JPH3: variants seen among roughly 807,000 people sequenced by gnomAD.
JPH3 encodes the protein junctophilin 3.
JPH3 carries 11 observed loss-of-function variants against 59.6 expected under a neutral mutation model. That is an observed-to-expected ratio of 0.18 (90% CI 0.12 to 0.31). The LOEUF (loss-of-function observed/expected upper bound fraction) is 0.31. JPH3 is among the 10% of genes least tolerant of loss of function. The pLI, the probability that JPH3 is intolerant of heterozygous loss-of-function variation, is 1.00. For missense variants in JPH3, 1,202 were observed against 1,105.7 expected, an observed-to-expected ratio of 1.09 and a Z score of -1.24; for synonymous variants, 673 against 483.6, an observed-to-expected ratio of 1.39 and a Z score of -5.14.
At chr16:87,692,051 C>A (rs1380731762) in intron 4 of JPH3, among the ~76,000 whole-genome samples, 1 of 152,172 alleles carries the variant, frequency 6.6e-6, no homozygotes, top group Non-Finnish European at 1.5e-5. Flanking sequence ...GTGCTACATG[C>A]TGCCCTGGTC....
At chr16:87,616,359 G>A (rs1416619514) in intron 1 of JPH3, among the ~76,000 whole-genome samples, 3 of 150,848 alleles carry the variant, frequency 2.0e-5, no homozygotes, top group Non-Finnish European at 3.0e-5. Context: ...TCAGCCTCCC[G>A]AGTAGCTGGG....
At chr16:87,610,040 G>A (rs1399028078) in intron 1 of JPH3, among the ~76,000 whole-genome samples, 1 of 152,146 alleles carries the variant, frequency 6.6e-6, no homozygotes, top group Non-Finnish European at 1.5e-5. Context: ...ACAGATCATC[G>A]GACATTAGAT....
chr16:87,607,118 T>TA (rs2030550244), intron 1 of JPH3, among the ~76,000 whole-genome samples: 1 of 152,208 alleles, frequency 6.6e-6, no homozygotes, highest in Non-Finnish European at 1.5e-5. Flanking sequence ...CTCTTGTGCG[T>TA]ACAGTGGCCC....
intron 2 of JPH3, among the ~76,000 whole-genome samples, chr16:87,663,369 A>G (rs1219402657): frequency 6.6e-6 from 1 of 152,196 alleles, no homozygotes; most frequent in Non-Finnish European, 1.5e-5. Flanking sequence ...TGGCCTCCCA[A>G]ACTACTGGGA....
intron 2 of JPH3, among the ~76,000 whole-genome samples, chr16:87,658,767 C>G (rs994331050): frequency 1.2e-4 from 19 of 152,244 alleles, no homozygotes; most frequent in Non-Finnish European, 8.8e-5. Flanking sequence ...CTCCTCCAGC[C>G]ACCCCTCACC....
Position 87,616,168 on chromosome 16 carries a change from A to T in JPH3, c.382+12640A>T, listed in dbSNP as rs151223284. ...GGGAACGACATTGTCTGATTTAAGC[A>T]GAACAGCAACGCAATCTGGTTTTGT... On this transcript the variant is annotated intron_variant, in intron 1 of 4. Transcript: ENST00000284262. Among the ~76,000 whole-genome samples the T allele has an allele frequency of 2.7e-5, 4 of 150,040 alleles. No individual in the cohort carries two copies. In the East Asian group the frequency reaches 8.0e-4, roughly 30 times the overall value.
chr16:87,668,432 GGTGA>G (rs2032931095), intron 2 of JPH3, among the ~76,000 whole-genome samples: 2 of 152,236 alleles, frequency 1.3e-5, no homozygotes, highest in African/African-American at 2.4e-5. Context: ...CGGGAACTTG[GGTGA>G]GTCAGTTCCC....
chr16:87,696,250 G>A (rs1244153630), intron 4 of JPH3: 16 of 454,854 alleles, frequency 3.5e-5, no homozygotes, highest in Non-Finnish European at 4.9e-5. Flanking sequence ...GCACCGAGAC[G>A]TTTGCTTGCA....
intron 1 of JPH3, among the ~76,000 whole-genome samples, chr16:87,614,482 G>A (rs28656225): frequency 0.37 from 44,528 of 120,520 alleles, 9,291 homozygotes; most frequent in African/African-American, 0.52. Context: ...CTGCACACAC[G>A]AGGGTCCGCG....
chr16:87,666,671 G>A (rs2032872502), intron 2 of JPH3, among the ~76,000 whole-genome samples: 2 of 152,218 alleles, frequency 1.3e-5, no homozygotes, highest in Non-Finnish European at 2.9e-5. Context: ...GGGTTCTCCA[G>A]ACCCCCTCCT....
intron 3 of JPH3, among the ~76,000 whole-genome samples, chr16:87,688,306 G>A (rs1347418500): frequency 6.6e-6 from 1 of 152,212 alleles, no homozygotes; most frequent in Non-Finnish European, 1.5e-5. Flanking sequence ...GCTCTGCTCA[G>A]CACTGCCTCT....
intron 1 of JPH3, among the ~76,000 whole-genome samples, chr16:87,617,854 G>A (rs977480605): frequency 2.7e-4 from 41 of 152,122 alleles, no homozygotes; most frequent in African/African-American, 9.2e-4. Context: ...TCCCACTCCC[G>A]GTGGCATTGA....
intron 2 of JPH3, among the ~76,000 whole-genome samples, chr16:87,653,288 C>T (rs1334094644): frequency 6.6e-6 from 1 of 152,210 alleles, no homozygotes; most frequent in Non-Finnish European, 1.5e-5. Context: ...GTGTGCCTGC[C>T]CCAAGCTGGG....
At chr16:87,604,007 G>C (rs1202956525) in intron 1 of JPH3, 1 of 884,240 alleles carries the variant, frequency 1.1e-6, no homozygotes, top group Non-Finnish European at 1.4e-6. Context: ...ATCTGCCCAA[G>C]CCGAGAGAAA....
intron 2 of JPH3, among the ~76,000 whole-genome samples, chr16:87,653,138 C>G (rs565949338): frequency 4.8e-4 from 73 of 152,322 alleles, no homozygotes; most frequent in African/African-American, 1.7e-3. Context: ...TTCTTCACAC[C>G]CAGGCTGGGC....
intron 3 of JPH3, among the ~76,000 whole-genome samples, chr16:87,688,260 G>C (rs2033465793): frequency 6.6e-6 from 1 of 152,174 alleles, no homozygotes; most frequent in African/African-American, 2.4e-5. Context: ...GAGCTACCCA[G>C]CTGTGCCCCA....
chr16:87,684,395 C>T, intron 3 of JPH3, 129 bp downstream of exon 3: 2 of 1,404,868 alleles, frequency 1.4e-6, no homozygotes, highest in Non-Finnish European at 1.9e-6. Flanking sequence ...TGCTCCCCTG[C>T]CCGGTGTCTT....
chr16:87,626,598 C>T (rs2031383619), intron 1 of JPH3, among the ~76,000 whole-genome samples: 1 of 152,242 alleles, frequency 6.6e-6, no homozygotes, highest in Non-Finnish European at 1.5e-5. Flanking sequence ...CAAGCCACAC[C>T]CCGAGTGGGC....
rs771702940 is a variant in JPH3 at position 87,696,662 on chromosome 16, G to T, written c.*2G>T. On this transcript the variant is annotated 3_prime_UTR_variant, in exon 5 of 5. Transcript: ENST00000284262. ...CTGTTTATTAACTTTTTCATCTGATGAGATGTCGCGGTAGCAAAAATAGAG... is the reference window on the plus strand; with the variant it reads ...CTGTTTATTAACTTTTTCATCTGATTAGATGTCGCGGTAGCAAAAATAGAG... The T allele has an allele frequency of 6.2e-7, 1 of 1,610,644 alleles. No homozygotes were observed.
Sources: allele counts gnomAD v4.1 joint callset (sites outside exome capture counted in the v4.1 genomes callset), GRCh38; gene constraint gnomAD v4.1.1; transcripts MANE v1.5; gene names NCBI Gene and HGNC (gene_info 2026-07-23, HGNC 2026-07-21).